Variants in SPECC1 observed in about 807,000 individuals in gnomAD.
SPECC1 encodes the protein cytospin-B.
Under a neutral mutation model 104.1 loss-of-function variants are expected in SPECC1, and 62 were observed. The observed-to-expected ratio is 0.60, with a 90% confidence interval of 0.49 to 0.74. SPECC1 has a LOEUF of 0.74. Ranked by LOEUF, SPECC1 falls within the 30% of genes least tolerant of loss-of-function variation. The pLI is 0.00. For missense variants in SPECC1, 1,306 were observed against 1,310.5 expected (o/e 1.00, Z 0.05); for synonymous variants, 513 against 501.6 (o/e 1.02, Z -0.30).
At chr17:20,278,047 G>A (rs553553890) in intron 12 of SPECC1, among the ~76,000 whole-genome samples, 43 of 152,194 alleles carry the variant, frequency 2.8e-4, no homozygotes, top group African/African-American at 1.0e-3. Context: ...AACCCTTAAC[G>A]ACTCTGCAGC....
intron 12 of SPECC1, among the ~76,000 whole-genome samples, chr17:20,266,411 G>A (rs1020836815): frequency 6.6e-5 from 10 of 152,074 alleles, no homozygotes; most frequent in Non-Finnish European, 1.2e-4. Flanking sequence ...GTGAAACCCC[G>A]TCTCTACTAA....
chr17:20,297,388 A>G (rs2041389003), intron 13 of SPECC1, among the ~76,000 whole-genome samples: 1 of 152,262 alleles, frequency 6.6e-6, no homozygotes, highest in Non-Finnish European at 1.5e-5. Context: ...TGGACACTGT[A>G]TATTGCATCA....
At chr17:20,127,102 TTA>T (rs2049349761) in intron 3 of SPECC1, among the ~76,000 whole-genome samples, 2 of 152,266 alleles carry the variant, frequency 1.3e-5, no homozygotes, top group African/African-American at 2.4e-5. Context: ...TCTTCAACTA[TTA>T]TGTTTTTAAT....
chr17:20,041,550 A>G (rs544317805), intron 1 of SPECC1, among the ~76,000 whole-genome samples: 296 of 144,756 alleles, frequency 2.0e-3, no homozygotes, highest in Middle Eastern at 4.1e-3. Context: ...GCCAAAATAT[A>G]TATCTTTTAT....
At chr17:20,174,939 A>C (rs1454853435) in intron 3 of SPECC1, among the ~76,000 whole-genome samples, 1 of 151,946 alleles carries the variant, frequency 6.6e-6, no homozygotes, top group African/African-American at 2.4e-5. Flanking sequence ...ATTTTTTGAA[A>C]TGTTAGTTTC....
chr17:20,075,644 T>C (rs1326294933), intron 1 of SPECC1, among the ~76,000 whole-genome samples: 7 of 151,944 alleles, frequency 4.6e-5, no homozygotes, highest in African/African-American at 1.5e-4. Context: ...CTCCAAAATT[T>C]TGTAAAAAAA....
intron 3 of SPECC1, among the ~76,000 whole-genome samples, chr17:20,144,215 C>G (rs1262577043): frequency 9.5e-6 from 1 of 105,816 alleles, no homozygotes; most frequent in Non-Finnish European, 1.7e-5. Context: ...GGCAGGGTCT[C>G]TGTCTGTCAC....
At chr17:20,313,350 T>A (rs2041980086) in intron 14 of SPECC1, among the ~76,000 whole-genome samples, 1 of 152,244 alleles carries the variant, frequency 6.6e-6, no homozygotes, top group South Asian at 2.1e-4. Context: ...TTTGTGATAA[T>A]CCCACTCAGT....
intron 1 of SPECC1, among the ~76,000 whole-genome samples, chr17:20,051,186 T>C (rs4925071): frequency 0.044 from 4,514 of 103,676 alleles, 122 homozygotes; most frequent in Middle Eastern, 0.075. Flanking sequence ...CTTTCTTTCC[T>C]TCTCCTTCAG....
intron 1 of SPECC1, among the ~76,000 whole-genome samples, chr17:20,016,543 C>T (rs893808930): frequency 6.6e-6 from 1 of 152,138 alleles, no homozygotes; most frequent in Non-Finnish European, 1.5e-5. Flanking sequence ...GTGGGCTTGG[C>T]GGGCCCCGCA....
chr17:20,025,150 C>T (rs996486763), intron 1 of SPECC1, among the ~76,000 whole-genome samples: 3 of 152,118 alleles, frequency 2.0e-5, no homozygotes, highest in Admixed American at 6.5e-5. Flanking sequence ...TGGGCACACA[C>T]AGAGAAAAGA....
chr17:20,051,133 T>TTTCCTTCTTTCCTTCTTTCCTTCTTTCC (rs61037968), intron 1 of SPECC1, among the ~76,000 whole-genome samples: 20 of 40,900 alleles, frequency 4.9e-4, no homozygotes, highest in East Asian at 1.5e-3. Flanking sequence ...TCTTTCTTTC[T>TTTCCTTCTTTCCTTCTTTCCTTCTTTCC]TTCTTTCCTT....
chr17:20,164,599 A>G (rs749756542), intron 3 of SPECC1, among the ~76,000 whole-genome samples: 5 of 152,110 alleles, frequency 3.3e-5, no homozygotes, highest in Non-Finnish European at 7.4e-5. Flanking sequence ...TGGTTGGAAC[A>G]TATTCTTTAA....
At chr17:20,055,578 A>T (rs2045931579) in intron 1 of SPECC1, among the ~76,000 whole-genome samples, 1 of 152,182 alleles carries the variant, frequency 6.6e-6, no homozygotes, top group Non-Finnish European at 1.5e-5. Context: ...GGTGTCTGAA[A>T]CTTTTAGTCT....
intron 12 of SPECC1, among the ~76,000 whole-genome samples, chr17:20,262,657 A>G (rs1414500728): frequency 1.3e-5 from 2 of 152,164 alleles, no homozygotes; most frequent in African/African-American, 4.8e-5. Context: ...CCAGCACCGT[A>G]ATACTCCCTT....
intron 1 of SPECC1, among the ~76,000 whole-genome samples, chr17:20,043,172 C>G (rs561661636): frequency 6.6e-6 from 1 of 152,064 alleles, no homozygotes; most frequent in Admixed American, 6.6e-5. Flanking sequence ...ACAGTTTTGG[C>G]GAGAAGCTGT....
At chr17:20,246,486 CT>C (rs1401302117) in intron 8 of SPECC1, among the ~76,000 whole-genome samples, 14 of 152,316 alleles carry the variant, frequency 9.2e-5, no homozygotes, top group South Asian at 4.1e-4. Context: ...GGAGGCACCC[CT>C]GGCCATCCCC....
At chr17:20,146,049 T>C (rs547206837) in intron 3 of SPECC1, among the ~76,000 whole-genome samples, 7 of 152,350 alleles carry the variant, frequency 4.6e-5, no homozygotes, top group Admixed American at 4.6e-4. Context: ...TTTCTTGGAA[T>C]TGATGAGCCA....
intron 13 of SPECC1, among the ~76,000 whole-genome samples, chr17:20,297,802 G>C (rs546196414): frequency 6.6e-6 from 1 of 152,320 alleles, no homozygotes; most frequent in East Asian, 1.9e-4. Context: ...GGAAAATACT[G>C]TGCTGGGTCC....
Sources: allele counts gnomAD v4.1 joint callset (sites outside exome capture counted in the v4.1 genomes callset), GRCh38; gene constraint gnomAD v4.1.1; transcripts MANE v1.5; gene names NCBI Gene and HGNC (gene_info 2026-07-23, HGNC 2026-07-21).